RNF216: variants seen among roughly 807,000 people sequenced by gnomAD.
The protein encoded by RNF216 is E3 ubiquitin-protein ligase RNF216.
Under a neutral mutation model 110.8 loss-of-function variants are expected in RNF216, and 72 were observed. The observed-to-expected ratio is 0.65, with a 90% CI of 0.54 to 0.79. The LOEUF is 0.79. Ranked by LOEUF, RNF216 falls within the 30% of genes least tolerant of loss-of-function variation. The pLI is 0.00. For missense variants in RNF216, 1,342 were observed against 1,141.2 expected (o/e 1.18, Z -2.54); for synonymous variants, 495 against 407.5 (o/e 1.21, Z -2.59).
At chr7:5,762,075 A>T (rs1795964046) in intron 1 of RNF216, among the ~76,000 whole-genome samples, 1 of 152,220 alleles carries the variant, frequency 6.6e-6, no homozygotes, top group South Asian at 2.1e-4. Context: ...TAATAAAAGC[A>T]ATTGGAAATG....
chr7:5,659,952 A>AT (rs36099512), intron 13 of RNF216, among the ~76,000 whole-genome samples: 4,689 of 132,812 alleles, frequency 0.035, 156 homozygotes, highest in African/African-American at 0.082. Context: ...ACATTCATTA[A>AT]TTTTTTTTTT....
At chr7:5,631,282 G>A (rs1183254560) in intron 15 of RNF216, among the ~76,000 whole-genome samples, 1 of 152,090 alleles carries the variant, frequency 6.6e-6, no homozygotes. Context: ...CCCACTTGTC[G>A]GCCTCTGGTC....
chr7:5,666,142 G>A (rs1789502222), intron 13 of RNF216, among the ~76,000 whole-genome samples: 1 of 150,422 alleles, frequency 6.6e-6, no homozygotes, highest in South Asian at 2.1e-4. Context: ...CTCCAGCCTG[G>A]GCGACAGAGT....
intron 13 of RNF216, among the ~76,000 whole-genome samples, chr7:5,654,054 TA>T (rs914675285): frequency 6.6e-6 from 1 of 151,936 alleles, no homozygotes; most frequent in African/African-American, 2.4e-5. Flanking sequence ...GTATGTCTTT[TA>T]AAAAAAATCA....
chr7:5,668,025 G>T (rs1047913991), intron 13 of RNF216, among the ~76,000 whole-genome samples: 1 of 152,140 alleles, frequency 6.6e-6, no homozygotes, highest in Non-Finnish European at 1.5e-5. Context: ...GTGTAAAGAT[G>T]GCAGTAATTC....
intron 5 of RNF216, among the ~76,000 whole-genome samples, chr7:5,737,190 C>T (rs1375055305): frequency 2.4e-4 from 37 of 152,304 alleles, no homozygotes; most frequent in African/African-American, 7.2e-4. Context: ...AAAATTCTTC[C>T]GCCTTGGGAT....
chr7:5,659,883 C>T (rs1238603860), intron 13 of RNF216, among the ~76,000 whole-genome samples: 1 of 152,062 alleles, frequency 6.6e-6, no homozygotes, highest in African/African-American at 2.4e-5. Context: ...AAGAGAACCA[C>T]ATTTTCTGAT....
intron 7 of RNF216, among the ~76,000 whole-genome samples, chr7:5,725,664 AC>A (rs772689049): frequency 3.3e-5 from 5 of 152,128 alleles, no homozygotes; most frequent in Non-Finnish European, 5.9e-5. Flanking sequence ...AGTCTGGCCA[AC>A]ATGGTGAAAC....
chr7:5,646,763 G>T (rs1373351816), intron 14 of RNF216, among the ~76,000 whole-genome samples: 6 of 151,526 alleles, frequency 4.0e-5, no homozygotes, highest in Admixed American at 1.3e-4. Flanking sequence ...AGTCTCTGTT[G>T]TATTAGCTTA....
chr7:5,724,769 T>A (rs1793647105), intron 8 of RNF216, among the ~76,000 whole-genome samples: 1 of 152,218 alleles, frequency 6.6e-6, no homozygotes, highest in Non-Finnish European at 1.5e-5. Context: ...TAAACGCCTT[T>A]ACTGGGTGGA....
intron 12 of RNF216, 147 bp downstream of exon 12, chr7:5,712,564 ATAAG>A (rs1344135602): frequency 2.0e-5 from 15 of 742,294 alleles, no homozygotes; most frequent in African/African-American, 5.4e-5. Flanking sequence ...ATAAAAATAA[ATAAG>A]TAAAATTATT....
At chr7:5,729,325 A>G (rs1562437280) in intron 7 of RNF216, 107 bp downstream of exon 7, 2 of 1,044,454 alleles carry the variant, frequency 1.9e-6, no homozygotes, top group Non-Finnish European at 2.9e-6. Context: ...TAAATTCCTT[A>G]GCAATCATAA....
intron 7 of RNF216, among the ~76,000 whole-genome samples, 197 bp from the exon 8 acceptor site, chr7:5,725,635 A>G (rs1019655404): frequency 6.6e-6 from 1 of 152,114 alleles, no homozygotes; most frequent in Non-Finnish European, 1.5e-5. Context: ...AGATCCCTTG[A>G]GGTCAGGAGT....
chr7:5,707,610 T>C (rs913064413), intron 13 of RNF216, among the ~76,000 whole-genome samples: 8 of 152,170 alleles, frequency 5.3e-5, no homozygotes, highest in South Asian at 4.1e-4. Flanking sequence ...TCCTGCCAAA[T>C]AGCTCTAGCT....
At chr7:5,759,095 T>G (rs1265199065) in intron 2 of RNF216, among the ~76,000 whole-genome samples, 2 of 152,144 alleles carry the variant, frequency 1.3e-5, no homozygotes, top group Non-Finnish European at 2.9e-5. Flanking sequence ...GAGATCTGGT[T>G]GTTTAAAAGT....
intron 9 of RNF216, 110 bp downstream of exon 9, chr7:5,720,923 A>T: frequency 9.4e-7 from 1 of 1,063,772 alleles, no homozygotes; most frequent in Middle Eastern, 3.0e-4. Context: ...ATCCAAATTT[A>T]ACAGTCTGAA....
At chr7:5,646,706 GA>G (rs1187780059) in intron 14 of RNF216, among the ~76,000 whole-genome samples, 1 of 149,732 alleles carries the variant, frequency 6.7e-6, no homozygotes, top group African/African-American at 2.5e-5. Flanking sequence ...AAAAAAAAAA[GA>G]AAGTTATTTT....
chr7:5,661,294 C>T (rs1265643213), intron 13 of RNF216, among the ~76,000 whole-genome samples: 3 of 151,892 alleles, frequency 2.0e-5, no homozygotes, highest in South Asian at 2.1e-4. Flanking sequence ...CAGTCAGTGG[C>T]GCCAGCATAG....
intron 15 of RNF216, among the ~76,000 whole-genome samples, chr7:5,625,075 T>C (rs1448633142): frequency 6.6e-6 from 1 of 152,262 alleles, no homozygotes; most frequent in East Asian, 1.9e-4. Flanking sequence ...GGTGCCCATC[T>C]TTCCTGGCTG....
Sources: allele counts gnomAD v4.1 joint callset (sites outside exome capture counted in the v4.1 genomes callset), GRCh38; gene constraint gnomAD v4.1.1; transcripts MANE v1.5; gene names NCBI Gene and HGNC (gene_info 2026-07-23, HGNC 2026-07-21).